SLC25A26: variants seen among roughly 807,000 people sequenced by gnomAD.
The protein encoded by SLC25A26 is solute carrier family 25 member 26.
SLC25A26 carries 36 observed loss-of-function variants against 37.8 expected under a neutral mutation model. The observed-to-expected ratio is 0.95, with a 90% confidence interval of 0.73 to 1.26. The LOEUF (loss-of-function observed/expected upper bound fraction) is 1.26. Among genes scored for constraint, SLC25A26 ranks in the 50% most tolerant of loss-of-function variants. The probability of loss-of-function intolerance (pLI) is 0.00; values close to 1 mark genes in which losing one functional copy is unlikely to be tolerated. For missense variants in SLC25A26, 390 were observed against 331.1 expected (o/e 1.18, Z -1.38); for synonymous variants, 129 against 122.5 (o/e 1.05, Z -0.35).
At chr3:66,281,691 CT>C (rs981404086) in intron 5 of SLC25A26, among the ~76,000 whole-genome samples, 2 of 151,932 alleles carry the variant, frequency 1.3e-5, no homozygotes, top group South Asian at 2.1e-4. Flanking sequence ...GTCATGGATT[CT>C]TTTTTTGTTC....
chr3:66,189,712 A>G (rs2070900095), intron 1 of SLC25A26, among the ~76,000 whole-genome samples: 5 of 152,050 alleles, frequency 3.3e-5, no homozygotes, highest in Admixed American at 3.3e-4. Flanking sequence ...CCCAAGTGGG[A>G]GTGCATTGGT....
chr3:66,268,783 C>T (rs1559636952), intron 5 of SLC25A26, among the ~76,000 whole-genome samples: 1 of 152,162 alleles, frequency 6.6e-6, no homozygotes, highest in East Asian at 1.9e-4. Flanking sequence ...GGGTGGTTTC[C>T]CTCATGCTCT....
chr3:66,274,760 G>A (rs1038818764), intron 5 of SLC25A26, among the ~76,000 whole-genome samples: 1 of 152,136 alleles, frequency 6.6e-6, no homozygotes, highest in Admixed American at 6.6e-5. Context: ...AACAGGTGCT[G>A]GAGAGGATGT....
intron 1 of SLC25A26, among the ~76,000 whole-genome samples, chr3:66,201,347 AT>A (rs1482693339): frequency 1.3e-5 from 2 of 151,720 alleles, no homozygotes; most frequent in Admixed American, 1.3e-4. Flanking sequence ...TGTATATATA[AT>A]TTTTTTTAAA....
intron 5 of SLC25A26, among the ~76,000 whole-genome samples, chr3:66,339,363 C>T (rs984038349): frequency 9.9e-5 from 15 of 152,002 alleles, no homozygotes; most frequent in African/African-American, 3.6e-4. Flanking sequence ...CACTCTGTGG[C>T]TTGCCTTTTT....
intron 3 of SLC25A26, among the ~76,000 whole-genome samples, chr3:66,246,207 CA>C (rs1267612388): frequency 2.6e-5 from 4 of 152,084 alleles, no homozygotes; most frequent in Non-Finnish European, 2.9e-5. Flanking sequence ...TCGTTACATG[CA>C]GTTAGTCTGG....
chr3:66,301,527 T>C (rs1402107502), intron 5 of SLC25A26, among the ~76,000 whole-genome samples: 1 of 152,184 alleles, frequency 6.6e-6, no homozygotes, highest in Non-Finnish European at 1.5e-5. Context: ...AAGCCAAGAA[T>C]GTCATTAGAA....
At chr3:66,175,140 T>TATATATATATATACACAC (rs1413714739) in intron 1 of SLC25A26, among the ~76,000 whole-genome samples, 3 of 67,008 alleles carry the variant, frequency 4.5e-5, no homozygotes, top group African/African-American at 1.3e-4. Context: ...TATATATATA[T>TATATATATATATACACAC]ACACACACAC....
chr3:66,332,461 C>T (rs1333291944), intron 5 of SLC25A26, among the ~76,000 whole-genome samples: 2 of 152,148 alleles, frequency 1.3e-5, no homozygotes, highest in Non-Finnish European at 2.9e-5. Context: ...TACCATATTT[C>T]ATAAAACTAA....
intron 5 of SLC25A26, among the ~76,000 whole-genome samples, chr3:66,318,815 C>A (rs1439727742): frequency 6.6e-6 from 1 of 151,954 alleles, no homozygotes; most frequent in Non-Finnish European, 1.5e-5. Context: ...CCACATACAG[C>A]TATTTAAGTT....
intron 1 of SLC25A26, among the ~76,000 whole-genome samples, chr3:66,213,945 A>G (rs1464004304): frequency 1.3e-5 from 2 of 152,150 alleles, no homozygotes; most frequent in Admixed American, 6.5e-5. Context: ...AAAGGTAATT[A>G]TTCATTAAAA....
At chr3:66,186,066 C>T (rs2070820374) in intron 1 of SLC25A26, among the ~76,000 whole-genome samples, 1 of 151,672 alleles carries the variant, frequency 6.6e-6, no homozygotes, top group Non-Finnish European at 1.5e-5. Context: ...CTGATTCTCA[C>T]CCTCACAATA....
intron 5 of SLC25A26, among the ~76,000 whole-genome samples, chr3:66,313,149 T>G: frequency 6.6e-6 from 1 of 152,210 alleles, no homozygotes; most frequent in East Asian, 1.9e-4. Flanking sequence ...CATTTATCAA[T>G]TTTTGCTTTT....
At chr3:66,322,585 C>T (rs1342291248) in intron 5 of SLC25A26, among the ~76,000 whole-genome samples, 2 of 152,100 alleles carry the variant, frequency 1.3e-5, no homozygotes, top group Non-Finnish European at 2.9e-5. Flanking sequence ...ATTTGTTTCC[C>T]ACAATTTTCT....
chr3:66,377,741 C>A lies in SLC25A26; in HGVS notation c.759C>A (p.Phe253Leu), dbSNP rs1304452814. ...PRMAAISLGGFIFLGAYDRTH... is the reference protein window; with the variant it reads ...PRMAAISLGGLIFLGAYDRTH... The stretch of plus-strand genomic sequence containing the variant: ...TGGCAGCCATCAGTCTGGGAGGTTT[C>A]ATCTTTCTGGGGGCTTATGACCGAA... Residue 253 changes from phenylalanine to leucine, a missense_variant, in exon 10 of 10, where the codon TTC becomes TTA. Physicochemically the swap from Phe to Leu is conservative, Grantham distance 22. Transcript: ENST00000354883. 1 of 1,613,860 alleles carries A rather than the reference C, an allele frequency of 6.2e-7. No homozygotes were observed. Among genetic ancestry groups the A allele is most frequent in the Admixed American group, 1.7e-5 (1 of 59,996 alleles).
At chr3:66,212,003 C>A (rs1036536369) in intron 1 of SLC25A26, among the ~76,000 whole-genome samples, 1 of 152,136 alleles carries the variant, frequency 6.6e-6, no homozygotes, top group Non-Finnish European at 1.5e-5. Flanking sequence ...TTTCAGTTAC[C>A]GAGTGAACCG....
At chr3:66,284,223 C>T (rs1178573226) in intron 5 of SLC25A26, among the ~76,000 whole-genome samples, 1 of 152,050 alleles carries the variant, frequency 6.6e-6, no homozygotes, top group Non-Finnish European at 1.5e-5. Context: ...GTGGTGCACA[C>T]CCATAGTCCC....
At chr3:66,202,020 A>G (rs896717595) in intron 1 of SLC25A26, among the ~76,000 whole-genome samples, 2 of 152,184 alleles carry the variant, frequency 1.3e-5, no homozygotes, top group South Asian at 2.1e-4. Context: ...AAAATGATAT[A>G]CCCAAAGGAT....
chr3:66,364,842 C>T (rs2076791392), intron 7 of SLC25A26, among the ~76,000 whole-genome samples: 1 of 152,138 alleles, frequency 6.6e-6, no homozygotes, highest in Non-Finnish European at 1.5e-5. Context: ...CCAATATAAG[C>T]ATCTTATTTT....
Sources: gnomAD v4.1 joint callset for allele counts (sites outside exome capture counted in the v4.1 genomes callset) on GRCh38, gnomAD v4.1.1 for gene constraint, MANE v1.5 for transcripts, NCBI Gene and HGNC (gene_info 2026-07-23, HGNC 2026-07-21) for gene names.